The following SOBP variants were observed in gnomAD, a reference collection of about 807,000 sequenced individuals.
SOBP encodes sine oculis binding protein homolog, also known as sine oculis-binding protein homolog.
A neutral mutation model predicts 53.6 loss-of-function variants in SOBP; 4 were observed. That is an observed-to-expected ratio of 0.07 (90% CI 0.04 to 0.17). The LOEUF is 0.17. Ranked by LOEUF, SOBP falls within the 10% of genes least tolerant of loss-of-function variation. The pLI, the probability that SOBP is intolerant of heterozygous loss-of-function variation, is 1.00. For missense variants in SOBP, 1,088 were observed against 1,204.7 expected, an observed-to-expected ratio of 0.90 and a Z score of 1.43; for synonymous variants, 584 against 522.6, an observed-to-expected ratio of 1.12 and a Z score of -1.60.
In SOBP at chr6:107,651,894, AGCACATCTCTT is replaced by A. The variant is rs1318676401; in HGVS notation, c.*4-6311_*4-6301del. Among the ~76,000 whole-genome samples, 3 of 152,342 alleles carry A rather than the reference AGCACATCTCTT, an allele frequency of 2.0e-5. No individual in the cohort carries two copies. The South Asian group carries it at 6.2e-4, about 32-fold the overall frequency. On this transcript the variant is annotated intron_variant, in intron 6 of 6. Coordinates refer to ENST00000317357, the MANE Select transcript of SOBP (RefSeq NM_018013.4). ...AGTGGAACAACGAAGCTTGGGTGACAGCACATCTCTTGATACCATGGTTTACTGAATATTTT... is the reference window on the plus strand; with the variant it reads ...AGTGGAACAACGAAGCTTGGGTGACAGATACCATGGTTTACTGAATATTTT...
At chr6:107,569,894 C>G (rs73762265) in intron 4 of SOBP, among the ~76,000 whole-genome samples, 2,049 of 152,342 alleles carry the variant, frequency 0.013, 48 homozygotes, top group African/African-American at 0.046. Flanking sequence ...TTCTCACCCC[C>G]CTTTGCAGCC....
At chr6:107,566,948 TC>T (rs893877259) in intron 4 of SOBP, among the ~76,000 whole-genome samples, 17 of 152,192 alleles carry the variant, frequency 1.1e-4, no homozygotes, top group Non-Finnish European at 8.8e-5. Context: ...GCTACACAGT[TC>T]CTGAGGAGGG....
chr6:107,645,930 C>T (rs1481378176), intron 6 of SOBP, among the ~76,000 whole-genome samples: 1 of 152,190 alleles, frequency 6.6e-6, no homozygotes, highest in Non-Finnish European at 1.5e-5. Context: ...AAGGGCTTGA[C>T]CACAGAGGGT....
At chr6:107,511,390 C>G (rs931856795) in intron 3 of SOBP, 4 of 152,216 alleles carry the variant, frequency 2.6e-5, no homozygotes, top group African/African-American at 9.6e-5. Flanking sequence ...CCCTGAGAAT[C>G]TGTGGTTCTA....
chr6:107,534,731 A>C (rs1783941056), intron 4 of SOBP, among the ~76,000 whole-genome samples: 1 of 152,194 alleles, frequency 6.6e-6, no homozygotes, highest in African/African-American at 2.4e-5. Context: ...GCAGTCTCTA[A>C]GAGTTAGGCT....
intron 6 of SOBP, among the ~76,000 whole-genome samples, chr6:107,649,157 C>A (rs1220578267): frequency 1.6e-5 from 2 of 124,166 alleles, no homozygotes; most frequent in African/African-American, 3.2e-5. Context: ...GCCCCGCCCC[C>A]ACTACCAAAA....
chr6:107,636,675 G>T (rs1056276329), intron 6 of SOBP, among the ~76,000 whole-genome samples: 8 of 152,184 alleles, frequency 5.3e-5, no homozygotes, highest in African/African-American at 1.9e-4. Flanking sequence ...TCCTTCCAGG[G>T]ACTAGGGAGA....
At chr6:107,538,074 T>C (rs1276925377) in intron 4 of SOBP, among the ~76,000 whole-genome samples, 3 of 152,232 alleles carry the variant, frequency 2.0e-5, no homozygotes, top group Non-Finnish European at 2.9e-5. Context: ...ACTTTCAGAC[T>C]ATATTCTTGG....
At chr6:107,600,537 T>TA (rs34572615) in intron 5 of SOBP, among the ~76,000 whole-genome samples, 2,620 of 147,656 alleles carry the variant, frequency 0.018, 72 homozygotes, top group East Asian at 0.14. Flanking sequence ...AATCTACTGT[T>TA]AAAAAAAAAA....
chr6:107,504,680 G>A (rs890373752), intron 2 of SOBP, among the ~76,000 whole-genome samples: 7 of 152,274 alleles, frequency 4.6e-5, no homozygotes, highest in South Asian at 2.1e-4. Context: ...CTGTTCAAAC[G>A]TTTTATTTCC....
chr6:107,531,965 A>C (rs1008039505), intron 3 of SOBP, among the ~76,000 whole-genome samples: 2 of 152,174 alleles, frequency 1.3e-5, no homozygotes, highest in Non-Finnish European at 2.9e-5. Flanking sequence ...CTAATTTTGC[A>C]GGCTGATGAC....
At chr6:107,597,495 GTATT>G (rs1384167399) in intron 5 of SOBP, among the ~76,000 whole-genome samples, 1 of 152,074 alleles carries the variant, frequency 6.6e-6, no homozygotes, top group Admixed American at 6.5e-5. Context: ...AGAAATGTGG[GTATT>G]TATATATAGG....
intron 3 of SOBP, among the ~76,000 whole-genome samples, chr6:107,522,814 G>A (rs916855089): frequency 4.6e-5 from 7 of 152,092 alleles, no homozygotes; most frequent in Admixed American, 2.6e-4. Context: ...AAAGTGCTGG[G>A]ATTACAAGCA....
chr6:107,648,942 G>T (rs776985183), intron 6 of SOBP, among the ~76,000 whole-genome samples: 2 of 152,148 alleles, frequency 1.3e-5, no homozygotes, highest in Non-Finnish European at 2.9e-5. Context: ...AGCGGCTCAT[G>T]CCTGTAATCT....
In SOBP at chr6:107,647,512, A is replaced by G. The variant is rs150591939; in HGVS notation, c.*4-10695A>G. On this transcript the variant is annotated intron_variant, in intron 6 of 6. Transcript: ENST00000317357. ...GTAGATGCTTATTACAAAAATTGTC[A>G]TGATAGCCCCTACAGCCCAGAACTT... 3.8e-3 allele frequency among the ~76,000 whole-genome samples: 585 copies of G among 152,378 alleles called. 3 individuals carry two copies. Among genetic ancestry groups the G allele is most frequent in the African/African-American group, 0.013 (558 of 41,596 alleles).
At chr6:107,652,658 A>T (rs546190174) in intron 6 of SOBP, among the ~76,000 whole-genome samples, 10 of 152,348 alleles carry the variant, frequency 6.6e-5, no homozygotes, top group African/African-American at 2.4e-4. Context: ...GCATGGCATG[A>T]CACAGAGAAA....
chr6:107,533,395 T>G, intron 3 of SOBP, 64 bp from the exon 4 acceptor site: 1 of 1,541,134 alleles, frequency 6.5e-7, no homozygotes, highest in Non-Finnish European at 8.9e-7. Flanking sequence ...AGGTTCAGGG[T>G]GTGTCTAAAT....
chr6:107,589,304 C>T (rs1033861395), intron 5 of SOBP, among the ~76,000 whole-genome samples: 3 of 152,164 alleles, frequency 2.0e-5, no homozygotes, highest in African/African-American at 4.8e-5. Context: ...CATGGCTGGA[C>T]GACTAGTCCT....
chr6:107,604,361 C>T (rs978212372), intron 5 of SOBP, among the ~76,000 whole-genome samples: 1 of 152,176 alleles, frequency 6.6e-6, no homozygotes, highest in African/African-American at 2.4e-5. Flanking sequence ...ACAGCAGCCT[C>T]GGTCTGTGAG....
Sources: gnomAD v4.1 joint callset for allele counts (sites outside exome capture counted in the v4.1 genomes callset) on GRCh38, gnomAD v4.1.1 for gene constraint, MANE v1.5 for transcripts, NCBI Gene and HGNC (gene_info 2026-07-23, HGNC 2026-07-21) for gene names.